Variants in ENO4 observed in about 807,000 individuals in gnomAD.
The protein encoded by ENO4 is 2-phospho-D-glycerate hydro-lyase.
In ENO4, 53 loss-of-function variants were observed where a neutral mutation model predicts 63.2. The ratio of observed to expected loss-of-function variants is 0.84; its 90% CI spans 0.67 to 1.05. ENO4 has a LOEUF of 1.05. Among genes scored for constraint, ENO4 ranks in the 50% least tolerant of loss-of-function variants. The probability of loss-of-function intolerance (pLI) is 0.00; values close to 1 mark genes in which losing one functional copy is unlikely to be tolerated. For missense variants in ENO4, 719 were observed against 772.0 expected (o/e 0.93, Z 0.81); for synonymous variants, 266 against 283.8 (o/e 0.94, Z 0.63).
chr10:116,888,800 T>A (rs530463809), intron 10 of ENO4, among the ~76,000 whole-genome samples: 56 of 152,286 alleles, frequency 3.7e-4, no homozygotes, highest in East Asian at 9.6e-4. Context: ...TTAAAAAAAA[T>A]TTTTTTAAGA....
chr10:116,849,672 C>T lies in ENO4; in HGVS notation c.106C>T (p.Leu36=), dbSNP rs1249575657. Residue 36 remains leucine, a synonymous_variant, in exon 1 of 14, where the codon CTG becomes TTG. Coordinates refer to ENST00000341276, the MANE Select transcript of ENO4 (RefSeq NM_001242699.2). The part of the protein sequence containing the change: ...YYRENDVPRR[L]EELLNSTFYL... ...CCGGGAGAACGACGTTCCGCGCAGG[C>T]TGGAAGAGCTGCTCAACTCCACCTT... 2 of 1,549,686 alleles carry T rather than the reference C, an allele frequency of 1.3e-6. No individual in the cohort carries two copies. Among genetic ancestry groups the T allele is most frequent in the South Asian group, 1.2e-5 (1 of 83,968 alleles).
intron 10 of ENO4, among the ~76,000 whole-genome samples, chr10:116,910,310 T>C (rs1433416282): frequency 6.6e-6 from 1 of 152,208 alleles, no homozygotes; most frequent in African/African-American, 2.4e-5. Context: ...GATACACTAA[T>C]GCCAGGTAAG....
In ENO4 at chr10:116,853,781, A is replaced by G. The variant is rs548382678; in HGVS notation, c.166-1842A>G. Among the ~76,000 whole-genome samples the G allele has an allele frequency of 2.6e-5, 4 of 152,304 alleles. No individual in the cohort carries two copies. In the South Asian group the frequency reaches 8.3e-4, roughly 32 times the overall value. On this transcript the variant is annotated intron_variant, in intron 1 of 13. Coordinates refer to ENST00000341276, the MANE Select transcript of ENO4 (RefSeq NM_001242699.2). ...TAAAGAATCCACGGATAGCTTGAAAATGAGCTCTTGCTTAATACTTCTGGG... is the reference window on the plus strand; with the variant it reads ...TAAAGAATCCACGGATAGCTTGAAAGTGAGCTCTTGCTTAATACTTCTGGG...
At chr10:116,907,635 T>C (rs1041968783) in intron 10 of ENO4, among the ~76,000 whole-genome samples, 3 of 152,170 alleles carry the variant, frequency 2.0e-5, no homozygotes, top group Non-Finnish European at 4.4e-5. Flanking sequence ...ATTTAATACA[T>C]CAACAAGTCT....
chr10:116,911,793 T>C, downstream of ENO4: 2 of 1,610,344 alleles, frequency 1.2e-6, no homozygotes, highest in Non-Finnish European at 1.7e-6. Flanking sequence ...TTCTTACCAG[T>C]ATTCCTTTTA....
chr10:116,849,551 C>A lies in ENO4; in HGVS notation c.-16C>A. 2 of 1,524,764 alleles carry A rather than the reference C, an allele frequency of 1.3e-6. No individual in the cohort carries two copies. Among genetic ancestry groups the A allele is most frequent in the Non-Finnish European group, 1.8e-6 (2 of 1,135,270 alleles). 94.5% of individuals were successfully genotyped at this position (1,524,764 alleles called of 1,614,324 possible). A position where few individuals can be genotyped will look rare whatever the true frequency, so the allele number is the denominator to read the frequency against. ...GACCCCAGGCTAAACCCCGCTGTAG[C>A]CTTAAATCTCCTACCATGGAGGAAG... On this transcript the variant is annotated 5_prime_UTR_variant, in exon 1 of 14. Coordinates refer to ENST00000341276, the MANE Select transcript of ENO4 (RefSeq NM_001242699.2).
downstream of ENO4, chr10:116,885,458 A>G (rs983447540): frequency 6.6e-6 from 1 of 152,602 alleles, no homozygotes; most frequent in African/African-American, 2.4e-5. Flanking sequence ...TTTTAAAAAA[A>G]ACAACAACAA....
At chr10:116,864,193 CT>C (rs1488110763) in intron 7 of ENO4, among the ~76,000 whole-genome samples, 1 of 152,206 alleles carries the variant, frequency 6.6e-6, no homozygotes, top group Non-Finnish European at 1.5e-5. Flanking sequence ...AGTTTTTCAG[CT>C]GGGTGCGGTG....
At chr10:116,866,105 C>T (rs1846541666) in intron 7 of ENO4, among the ~76,000 whole-genome samples, 1 of 152,172 alleles carries the variant, frequency 6.6e-6, no homozygotes, top group Admixed American at 6.5e-5. Context: ...TGCTAAACTG[C>T]CCCCAAATCA....
intron 4 of ENO4, among the ~76,000 whole-genome samples, chr10:116,860,421 T>C (rs952660989): frequency 2.0e-5 from 3 of 152,232 alleles, no homozygotes; most frequent in Admixed American, 1.3e-4. Flanking sequence ...TGGTGAAATA[T>C]AGAAAAACAA....
intron 11 of ENO4, among the ~76,000 whole-genome samples, chr10:116,877,911 CCA>C (rs1433743862): frequency 6.6e-6 from 1 of 152,154 alleles, no homozygotes; most frequent in East Asian, 1.9e-4. Context: ...TCTCACTTGC[CCA>C]CAACTCTTGA....
intron 2 of ENO4, among the ~76,000 whole-genome samples, 166 bp from the exon 3 acceptor site, chr10:116,856,326 C>T (rs1037911374): frequency 6.6e-6 from 1 of 152,098 alleles, no homozygotes; most frequent in African/African-American, 2.4e-5. Context: ...AGCTGAGTTC[C>T]ATAGTGTTTC....
downstream of ENO4, chr10:116,883,335 G>A (rs1488213275): frequency 6.6e-6 from 1 of 152,078 alleles, no homozygotes; most frequent in East Asian, 1.9e-4. Flanking sequence ...TGAAAGAAAT[G>A]AAAGAAACAG....
At chr10:116,862,641 G>A (rs897459027) in intron 6 of ENO4, among the ~76,000 whole-genome samples, 158 bp from the exon 7 acceptor site, 5 of 152,088 alleles carry the variant, frequency 3.3e-5, no homozygotes, top group African/African-American at 4.8e-5. Flanking sequence ...AAACTGGGGC[G>A]AAGATTAACA....
intron 10 of ENO4, among the ~76,000 whole-genome samples, chr10:116,894,204 A>C (rs1219693771): frequency 6.6e-6 from 1 of 152,242 alleles, no homozygotes; most frequent in Non-Finnish European, 1.5e-5. Flanking sequence ...AACTCTTACA[A>C]AAATAAATTT....
intron 10 of ENO4, among the ~76,000 whole-genome samples, chr10:116,906,103 CTAAA>C (rs1847959746): frequency 2.0e-5 from 3 of 152,386 alleles, no homozygotes; most frequent in South Asian, 4.1e-4. Flanking sequence ...ACTGCAACTA[CTAAA>C]TGAGTGCTCA....
chr10:116,850,056 G>GC (rs1160592163), intron 1 of ENO4: 1 of 495,562 alleles, frequency 2.0e-6, no homozygotes, highest in African/African-American at 2.0e-5. Context: ...CCGGCCCACC[G>GC]CCCATGCTTG....
In ENO4 at chr10:116,879,304, C is replaced by G. The variant is rs1271694845; in HGVS notation, c.1551C>G (p.Ile517Met). Reference sequence around the variant, plus strand: ...TTCCTCTTCCAGGTAAGAAGCACATCACTGTCTTTGGAAGTACAGAAGGAG... The same window carrying G: ...TTCCTCTTCCAGGTAAGAAGCACATGACTGTCTTTGGAAGTACAGAAGGAG... Reference protein sequence around the residue: ...ITNLIDSKKHITVFGSTEGES... With the variant: ...ITNLIDSKKHMTVFGSTEGES... Residue 517 changes from isoleucine (I) to methionine (M), a missense_variant, in exon 12 of 14, where the codon ATC becomes ATG. By Grantham distance (10) the Ile-to-Met change is conservative. Around this residue, in one of 3 missense-constraint regions of ENO4, gnomAD observed 168 missense variants for 163.3 expected, o/e 1.03. Coordinates refer to ENST00000341276, the MANE Select transcript of ENO4 (RefSeq NM_001242699.2). The G allele has an allele frequency of 1.3e-6, 2 of 1,550,294 alleles. No individual in the cohort carries two copies. The highest frequency in any genetic ancestry group is 4.9e-5 in the East Asian group (2 of 40,884).
At chr10:116,886,593 A>C, downstream of ENO4, 1 of 1,610,652 alleles carries the variant, frequency 6.2e-7, no homozygotes. Flanking sequence ...TAGACAAAAA[A>C]AGTAAAAAGC....
Sources: allele counts gnomAD v4.1 joint callset (sites outside exome capture counted in the v4.1 genomes callset), GRCh38; gene constraint gnomAD v4.1.1; regional missense constraint gnomAD v4.1.1; transcripts MANE v1.5; gene names NCBI Gene and HGNC (gene_info 2026-07-23, HGNC 2026-07-21).